GTF2H5: variants seen among roughly 807,000 people sequenced by gnomAD.
The protein encoded by GTF2H5 is TFB5 ortholog.
GTF2H5 carries 5 observed loss-of-function variants against 7.1 expected under a neutral mutation model. The ratio of observed to expected loss-of-function variants is 0.71; its 90% CI spans 0.37 to 1.49. GTF2H5 has a LOEUF of 1.49. Ranked by LOEUF, GTF2H5 falls within the 40% of genes most tolerant of loss-of-function variation. GTF2H5 has a pLI of 0.03. For missense variants in GTF2H5, 80 were observed against 83.0 expected, an observed-to-expected ratio of 0.96 and a Z score of 0.14; for synonymous variants, 30 against 31.7, an observed-to-expected ratio of 0.95 and a Z score of 0.18.
chr6:158,187,785 C>T (rs1776954036), intron 2 of GTF2H5, among the ~76,000 whole-genome samples: 1 of 152,088 alleles, frequency 6.6e-6, no homozygotes. Flanking sequence ...CCAGGATGGT[C>T]TTGATTTCCT....
At position 158,169,773 on chromosome 6, in the gene GTF2H5, A is replaced by ATATATTATATATTG. The variant is rs1230587644; in HGVS notation, c.-34-691_-34-690insATATATTGTATATT. Among the ~76,000 whole-genome samples, 167 of 83,956 alleles carry ATATATTATATATTG rather than the reference A, an allele frequency of 2.0e-3. 15 individuals are homozygous for ATATATTATATATTG. Among genetic ancestry groups the ATATATTATATATTG allele is most frequent in the African/African-American group, 6.9e-3 (160 of 23,092 alleles). 55.1% of individuals were successfully genotyped at this position (83,956 alleles called of 152,430 possible). A position where few individuals can be genotyped will look rare whatever the true frequency, so the allele number is the denominator to read the frequency against. ...TATAATATATTGTATATTATATATA[A>ATATATTATATATTG]TATATTGTATATTATATATTATATA... On this transcript the variant is annotated intron_variant, in intron 1 of 2. Transcript: ENST00000607778.
At chr6:158,182,206 ACT>A (rs1175029716) in intron 2 of GTF2H5, among the ~76,000 whole-genome samples, 1 of 151,972 alleles carries the variant, frequency 6.6e-6, no homozygotes. Flanking sequence ...ATTGGCCCCC[ACT>A]CTCTTCTGGC....
rs185453197 is a variant in GTF2H5, at chr6:158,192,600, C to G, written c.*443C>G. 4.7e-6 allele frequency: 1 copy of G among 211,598 alleles called. No individual in the cohort carries two copies. The highest frequency in any genetic ancestry group is 1.2e-4 in the East Asian group (1 of 8,528). The allele number at this position is 211,598 out of a possible 1,614,324, so 13.1% of individuals were successfully genotyped here. A position where few individuals can be genotyped will look rare whatever the true frequency, so the allele number is the denominator to read the frequency against. On this transcript the variant is annotated 3_prime_UTR_variant, in exon 3 of 3. Coordinates refer to ENST00000607778, the MANE Select transcript of GTF2H5 (RefSeq NM_207118.3). ...ATTATGTACGTCTCACAAATCCTAC[C>G]TGCATACCAGTCAGCTCTATTGAGG... is the stretch of plus-strand genomic sequence containing the variant.
chr6:158,182,724 A>G (rs970303379), intron 2 of GTF2H5, among the ~76,000 whole-genome samples: 11 of 152,026 alleles, frequency 7.2e-5, no homozygotes, highest in Non-Finnish European at 1.6e-4. Flanking sequence ...TTTCAGCACC[A>G]TCAGGTCATT....
chr6:158,171,692 G>A lies in GTF2H5; in HGVS notation c.35+1154G>A, dbSNP rs1168973647. On this transcript the variant is annotated intron_variant, in intron 2 of 2. Coordinates refer to ENST00000607778, the MANE Select transcript of GTF2H5 (RefSeq NM_207118.3). The stretch of plus-strand genomic sequence containing the variant: ...AGGGAGGTGAGGAGGTGGAGATGGA[G>A]ACTTCGGAGAAGTTTTACTGTGATC... Among the ~76,000 whole-genome samples, 3 of 152,314 alleles carry A rather than the reference G, an allele frequency of 2.0e-5. No individual in the cohort carries two copies. In the South Asian group the frequency reaches 6.2e-4, roughly 32 times the overall value.
chr6:158,176,460 C>T (rs1489482706), intron 2 of GTF2H5, among the ~76,000 whole-genome samples: 7 of 152,070 alleles, frequency 4.6e-5, no homozygotes, highest in Admixed American at 3.9e-4. Flanking sequence ...CTCCTGACCT[C>T]GTGATCCACC....
At chr6:158,172,207 T>A (rs1785866984) in intron 2 of GTF2H5, among the ~76,000 whole-genome samples, 3 of 152,194 alleles carry the variant, frequency 2.0e-5, no homozygotes, top group Admixed American at 2.0e-4. Flanking sequence ...TGTTAAATAT[T>A]CACTTCTCTC....
intron 2 of GTF2H5, among the ~76,000 whole-genome samples, chr6:158,176,629 C>T (rs758496006): frequency 1.3e-5 from 2 of 152,148 alleles, no homozygotes; most frequent in African/African-American, 2.4e-5. Flanking sequence ...GAGACCAGCT[C>T]GGTCTGGGAG....
At chr6:158,175,040 G>GTATATATA (rs1562471603) in intron 2 of GTF2H5, among the ~76,000 whole-genome samples, 35 of 133,168 alleles carry the variant, frequency 2.6e-4, no homozygotes, top group African/African-American at 1.3e-3. Context: ...GTGTGTGTGT[G>GTATATATA]TGTGTATACA....
At chr6:158,185,930 G>C (rs1485183023) in intron 2 of GTF2H5, among the ~76,000 whole-genome samples, 1 of 152,122 alleles carries the variant, frequency 6.6e-6, no homozygotes, top group Non-Finnish European at 1.5e-5. Flanking sequence ...GGAGGTCAAG[G>C]CTGCAGTGAG....
At chr6:158,181,606 A>G (rs986095642) in intron 2 of GTF2H5, among the ~76,000 whole-genome samples, 6 of 151,870 alleles carry the variant, frequency 4.0e-5, no homozygotes, top group African/African-American at 1.5e-4. Flanking sequence ...TGTTGAATTG[A>G]TCCCTTTACC....
intron 2 of GTF2H5, among the ~76,000 whole-genome samples, chr6:158,179,802 C>A (rs1010054332): frequency 3.9e-5 from 6 of 152,138 alleles, no homozygotes; most frequent in African/African-American, 1.2e-4. Context: ...ATTTGACTTC[C>A]TCTCTTCCTA....
chr6:158,185,147 C>CTTTT (rs1165100637), intron 2 of GTF2H5, among the ~76,000 whole-genome samples: 8 of 132,742 alleles, frequency 6.0e-5, no homozygotes, highest in African/African-American at 2.2e-4. Flanking sequence ...CTTTGAGTGT[C>CTTTT]TTTTTTTTTT....
rs1189593929 is a variant in GTF2H5, at chr6:158,195,379, A to G, written c.*3222A>G. 1 of 152,212 alleles carries G rather than the reference A, an allele frequency of 6.6e-6. No homozygotes were observed. 9.4% of individuals were successfully genotyped at this position (152,212 alleles called of 1,614,324 possible). A position where few individuals can be genotyped will look rare whatever the true frequency, so the allele number is the denominator to read the frequency against. On this transcript the variant is annotated 3_prime_UTR_variant, in exon 3 of 3. Transcript: ENST00000607778. ...TTTCTTTTAATACTGTATTAGGTCA[A>G]ATTCAAGGTCTTAATTCCTTGAATT... is the stretch of plus-strand genomic sequence containing the variant.
chr6:158,183,332 G>T (rs1786034785), intron 2 of GTF2H5, among the ~76,000 whole-genome samples: 1 of 152,182 alleles, frequency 6.6e-6, no homozygotes, highest in Admixed American at 6.5e-5. Context: ...AGGCTACATG[G>T]GGGTCAGGGA....
At position 158,192,809 on chromosome 6, in the gene GTF2H5, G is replaced by T. The variant is rs941810493; in HGVS notation, c.*652G>T. 2.0e-5 allele frequency: 3 copies of T among 151,812 alleles called. No individual in the cohort carries two copies. The highest frequency in any genetic ancestry group is 7.4e-5 in the African/African-American group (3 of 40,816). The allele number at this position is 151,812 out of a possible 1,614,324, so 9.4% of individuals were successfully genotyped here. ...CTTTTTTATTAAGAAAACAGCTTAG[G>T]GAGGCTGAGGTGGGAGGATTGCTTG... On this transcript the variant is annotated 3_prime_UTR_variant, in exon 3 of 3. Transcript: ENST00000607778.
intron 2 of GTF2H5, among the ~76,000 whole-genome samples, chr6:158,186,616 C>T (rs1341139280): frequency 6.6e-6 from 1 of 152,248 alleles, no homozygotes; most frequent in East Asian, 1.9e-4. Flanking sequence ...AGGTTAAGGA[C>T]ATGCCCATGA....
chr6:158,186,710 T>C (rs954567594), intron 2 of GTF2H5, among the ~76,000 whole-genome samples: 5 of 152,180 alleles, frequency 3.3e-5, no homozygotes, highest in Admixed American at 6.5e-5. Context: ...AGACAAAATA[T>C]CAATCAATAC....
rs1404657913 is a variant in GTF2H5, at chr6:158,198,139, C to T, written c.*5982C>T. The stretch of plus-strand genomic sequence containing the variant: ...GAAACACACACATATGCGTTGTTTT[C>T]CCCACTTTCACAATGCCGTGCAGAA... On this transcript the variant is annotated 3_prime_UTR_variant, in exon 3 of 3. Coordinates refer to ENST00000607778, the MANE Select transcript of GTF2H5 (RefSeq NM_207118.3). 1 of 152,098 alleles carries T rather than the reference C, an allele frequency of 6.6e-6. No individual in the cohort carries two copies. Among genetic ancestry groups the T allele is most frequent in the African/African-American group, 2.4e-5 (1 of 41,424 alleles). The allele number at this position is 152,098 out of a possible 1,614,324, so 9.4% of individuals were successfully genotyped here.
Sources: gnomAD v4.1 joint callset for allele counts (sites outside exome capture counted in the v4.1 genomes callset) on GRCh38, gnomAD v4.1.1 for gene constraint, MANE v1.5 for transcripts, NCBI Gene and HGNC (gene_info 2026-07-23, HGNC 2026-07-21) for gene names.